SLC6A6: variants seen among roughly 807,000 people sequenced by gnomAD.
The protein encoded by SLC6A6 is solute carrier family 6 member 6, also known as sodium- and chloride-dependent taurine transporter.
Under a neutral mutation model 68.8 loss-of-function variants are expected in SLC6A6, and 16 were observed. The observed-to-expected ratio is 0.23, with a 90% confidence interval of 0.16 to 0.35. The LOEUF (loss-of-function observed/expected upper bound fraction) is 0.35. SLC6A6 is among the 10% of genes least tolerant of loss of function. SLC6A6 has a pLI of 1.00. For missense variants in SLC6A6, 474 were observed against 802.8 expected (o/e 0.59, Z 4.95); for synonymous variants, 312 against 315.4 (o/e 0.99, Z 0.12).
chr3:14,443,969 G>A (rs979587557), intron 3 of SLC6A6, 106 bp downstream of exon 3: 4 of 732,482 alleles, frequency 5.5e-6, no homozygotes, highest in Admixed American at 4.6e-5. Context: ...GCTTTCCCTG[G>A]CCCCCCCCCT....
chr3:14,419,984 A>G (rs2124909961), intron 2 of SLC6A6, among the ~76,000 whole-genome samples: 1 of 152,318 alleles, frequency 6.6e-6, no homozygotes, highest in East Asian at 1.9e-4. Context: ...ACTGGTGCAT[A>G]TAGGAGTGTT....
At chr3:14,421,571 G>T (rs989349153) in intron 2 of SLC6A6, among the ~76,000 whole-genome samples, 1 of 152,216 alleles carries the variant, frequency 6.6e-6, no homozygotes, top group African/African-American at 2.4e-5. Context: ...AGTTAACATC[G>T]TTATTGCTCG....
chr3:14,418,193 A>G (rs776290588), intron 2 of SLC6A6, among the ~76,000 whole-genome samples: 1 of 152,208 alleles, frequency 6.6e-6, no homozygotes, highest in South Asian at 2.1e-4. Flanking sequence ...GTCAAGACCC[A>G]CTGTGGACTC....
intron 10 of SLC6A6, among the ~76,000 whole-genome samples, chr3:14,473,705 GATA>G (rs1700806535): frequency 1.3e-5 from 2 of 152,198 alleles, no homozygotes; most frequent in African/African-American, 4.8e-5. Flanking sequence ...TGCAGTTGTT[GATA>G]GACTTGAGCT....
chr3:14,484,959 C>T lies in SLC6A6; in HGVS notation c.1815C>T (p.Asn605=), dbSNP rs186544911. 84 of 1,613,216 alleles carry T rather than the reference C, an allele frequency of 5.2e-5. No individual in the cohort carries two copies. Among genetic ancestry groups the T allele is most frequent in the South Asian group, 4.3e-4 (39 of 91,014 alleles). The change falls in exon 15 of 15, where the codon AAC becomes AAT. Residue 605 remains asparagine, a synonymous_variant. Coordinates refer to ENST00000622186, the MANE Select transcript of SLC6A6 (RefSeq NM_003043.6). ...ATPYNSRTVM[N]GALVKPTHII... Reference sequence around the variant, plus strand: ...CTTACAACTCTCGCACCGTCATGAACGGCGCTCTCGTGAAACCGACCCACA... The same window carrying T: ...CTTACAACTCTCGCACCGTCATGAATGGCGCTCTCGTGAAACCGACCCACA...
chr3:14,459,486 C>T (rs1337355144), intron 6 of SLC6A6, among the ~76,000 whole-genome samples: 1 of 152,086 alleles, frequency 6.6e-6, no homozygotes, highest in Non-Finnish European at 1.5e-5. Flanking sequence ...GTGCCCTCTG[C>T]TTGTTTCTTG....
intron 10 of SLC6A6, among the ~76,000 whole-genome samples, chr3:14,474,064 G>T (rs916059080): frequency 1.3e-5 from 2 of 152,224 alleles, no homozygotes; most frequent in Non-Finnish European, 2.9e-5. Flanking sequence ...ACTTTGCAGA[G>T]CGAGGAACTC....
chr3:14,430,421 C>T (rs886152714), intron 2 of SLC6A6, among the ~76,000 whole-genome samples: 9 of 152,192 alleles, frequency 5.9e-5, no homozygotes, highest in African/African-American at 1.9e-4. Flanking sequence ...CCCCAGCACC[C>T]CCAGAGTTTA....
chr3:14,484,962 C>G lies in SLC6A6; in HGVS notation c.1818C>G (p.Gly606=). The change falls in exon 15 of 15, where the codon GGC becomes GGG. Residue 606 remains glycine, a synonymous_variant. Coordinates refer to ENST00000622186, the MANE Select transcript of SLC6A6 (RefSeq NM_003043.6). ...TPYNSRTVMN[G]ALVKPTHIIV... is the part of the protein sequence containing the mutation. ...ACAACTCTCGCACCGTCATGAACGG[C>G]GCTCTCGTGAAACCGACCCACATCA... is the stretch of plus-strand genomic sequence containing the variant. The G allele has an allele frequency of 1.9e-6, 3 of 1,613,104 alleles. No homozygotes were observed. Among genetic ancestry groups the G allele is most frequent in the Non-Finnish European group, 2.5e-6 (3 of 1,179,798 alleles).
chr3:14,459,040 C>G lies in SLC6A6; in HGVS notation c.732+958C>G, dbSNP rs1258348830. Reference sequence around the variant, plus strand: ...GACACTGGCTGTTGTCATGGCTTTGCTGATGCCAAAGGCTGGTGCGGGGGT... The same window carrying G: ...GACACTGGCTGTTGTCATGGCTTTGGTGATGCCAAAGGCTGGTGCGGGGGT... On this transcript the variant is annotated intron_variant, in intron 6 of 14. Coordinates refer to ENST00000622186, the MANE Select transcript of SLC6A6 (RefSeq NM_003043.6). Among the ~76,000 whole-genome samples, 3 of 152,190 alleles carry G rather than the reference C, an allele frequency of 2.0e-5. No individual in the cohort carries two copies. The South Asian group carries it at 6.2e-4, about 31-fold the overall frequency.
At chr3:14,407,615 C>T (rs56772305) in intron 1 of SLC6A6, among the ~76,000 whole-genome samples, 38,112 of 151,768 alleles carry the variant, frequency 0.25, 4,933 homozygotes, top group Admixed American at 0.28. Flanking sequence ...GATGATCCTC[C>T]CACCTCACTT....
Position 14,481,623 on chromosome 3 carries a change from C to G in SLC6A6, c.1552-48C>G. ...AGTCCTAGTCCCAGAAGCCCCCCAC[C>G]CCCCGATGCCCAGGACCCCTCTCCT... On this transcript the variant is annotated intron_variant, in intron 13 of 14. Coordinates refer to ENST00000622186, the MANE Select transcript of SLC6A6 (RefSeq NM_003043.6). This position sits in a 1 kb window ranked among gnomAD's most constrained non-coding sequence, Gnocchi z 4.7. The G allele has an allele frequency of 7.6e-7, 1 of 1,319,012 alleles. No individual in the cohort carries two copies. The highest frequency in any genetic ancestry group is 1.1e-6 in the Non-Finnish European group (1 of 931,940). 81.7% of individuals were successfully genotyped at this position (1,319,012 alleles called of 1,614,324 possible).
rs940383259 is a variant in SLC6A6, at chr3:14,468,915, G to A, written c.1096+703G>A. Among the ~76,000 whole-genome samples, 16 of 152,140 alleles carry A rather than the reference G, an allele frequency of 1.1e-4. No homozygotes were observed. Among genetic ancestry groups the A allele is most frequent in the East Asian group, 3.9e-4 (2 of 5,194 alleles). Reference sequence around the variant, plus strand: ...TTAGAATCACGGACTCTGCACAGACGGGGAACTTAGGAATCTGGGATCCCA... The same window carrying A: ...TTAGAATCACGGACTCTGCACAGACAGGGAACTTAGGAATCTGGGATCCCA... On this transcript the variant is annotated intron_variant, in intron 9 of 14. Coordinates refer to ENST00000622186, the MANE Select transcript of SLC6A6 (RefSeq NM_003043.6). This position sits in a 1 kb window ranked among gnomAD's most constrained non-coding sequence, Gnocchi z 4.5.
chr3:14,449,621 G>A (rs1180009026), intron 5 of SLC6A6, among the ~76,000 whole-genome samples: 1 of 152,190 alleles, frequency 6.6e-6, no homozygotes, highest in East Asian at 1.9e-4. Context: ...GAAGTATCCC[G>A]CTCTCTGGGC....
intron 2 of SLC6A6, among the ~76,000 whole-genome samples, chr3:14,438,846 T>C (rs1422506538): frequency 6.6e-6 from 1 of 152,174 alleles, no homozygotes; most frequent in South Asian, 2.1e-4. Flanking sequence ...GAAAGAGACA[T>C]GTAGGACACT....
intron 2 of SLC6A6, among the ~76,000 whole-genome samples, chr3:14,421,898 C>A (rs774078906): frequency 6.6e-6 from 1 of 152,126 alleles, no homozygotes; most frequent in African/African-American, 2.4e-5. Context: ...GCCTCAGCCT[C>A]GTGGGAAAGC....
chr3:14,433,794 C>A (rs1241527638), intron 2 of SLC6A6, among the ~76,000 whole-genome samples: 1 of 109,140 alleles, frequency 9.2e-6, no homozygotes, highest in East Asian at 2.6e-4. Context: ...CAGAGCTAGA[C>A]TCTGTCTCAA....
intron 2 of SLC6A6, among the ~76,000 whole-genome samples, chr3:14,439,221 G>A (rs756075268): frequency 5.3e-5 from 8 of 152,232 alleles, no homozygotes; most frequent in Non-Finnish European, 8.8e-5. Context: ...CAGGCTGCTC[G>A]CTTCCCTGCG....
chr3:14,405,198 A>G (rs1336123057), intron 1 of SLC6A6, among the ~76,000 whole-genome samples: 1 of 152,158 alleles, frequency 6.6e-6, no homozygotes, highest in African/African-American at 2.4e-5. Flanking sequence ...AAGTGAGCCT[A>G]TGGGACCCAT....
Sources: gnomAD v4.1 joint callset for allele counts (sites outside exome capture counted in the v4.1 genomes callset) on GRCh38, gnomAD v4.1.1 for gene constraint, Gnocchi (gnomAD v3.1) non-coding constraint, MANE v1.5 for transcripts, NCBI Gene and HGNC (gene_info 2026-07-23, HGNC 2026-07-21) for gene names.